HERC2: variants seen among roughly 807,000 people sequenced by gnomAD.
HERC2 encodes HECT and RLD domain containing E3 ubiquitin protein ligase 2, also known as E3 ubiquitin-protein ligase HERC2.
In HERC2, 102 loss-of-function variants were observed where a neutral mutation model predicts 537.7. The ratio of observed to expected loss-of-function variants is 0.19; its 90% CI spans 0.16 to 0.22. HERC2 has a LOEUF of 0.22. Among genes scored for constraint, HERC2 ranks in the 10% least tolerant of loss-of-function variants. HERC2 has a pLI of 1.00. For missense variants in HERC2, 4,236 were observed against 6,198.2 expected, an observed-to-expected ratio of 0.68 and a Z score of 10.63; for synonymous variants, 2,224 against 2,466.2, an observed-to-expected ratio of 0.90 and a Z score of 2.91.
chr15:28,279,290 C>T (rs2141043007), intron 5 of HERC2, among the ~76,000 whole-genome samples: 1 of 152,146 alleles, frequency 6.6e-6, no homozygotes, highest in East Asian at 1.9e-4. Flanking sequence ...ACACCCAGCC[C>T]AAAAGCAACT....
At chr15:28,131,633 G>A (rs951534754) in intron 81 of HERC2, among the ~76,000 whole-genome samples, 1 of 152,298 alleles carries the variant, frequency 6.6e-6, no homozygotes, top group East Asian at 1.9e-4. Flanking sequence ...GGACTCAGGC[G>A]CTGTGCAGGC....
rs1899852154 is a variant in HERC2 at position 28,215,936 on chromosome 15, A to C, written c.6029-134T>G. On this transcript the variant is annotated intron_variant, in intron 38 of 92. Transcript: ENST00000261609. The stretch of plus-strand genomic sequence containing the variant: ...CTTTACAAATATATTGCAGTTTGTA[A>C]ATTAATTCAAACTAATTCAAAGTGA... The C allele has an allele frequency of 1.4e-5, 9 of 642,726 alleles. No homozygotes were observed. The South Asian group carries it at 2.0e-4, about 14-fold the overall frequency. The allele number at this position is 642,726 out of a possible 1,614,324, so 39.8% of individuals were successfully genotyped here. A position where few individuals can be genotyped will look rare whatever the true frequency, so the allele number is the denominator to read the frequency against.
At chr15:28,261,278 T>A (rs1049020382) in intron 15 of HERC2, among the ~76,000 whole-genome samples, 3 of 152,270 alleles carry the variant, frequency 2.0e-5, no homozygotes, top group African/African-American at 7.2e-5. Flanking sequence ...TGCTTTTAAT[T>A]AACTATTAGA....
At chr15:28,130,655 C>A in intron 81 of HERC2, 61 bp from the exon 82 acceptor site, 2 of 1,127,548 alleles carry the variant, frequency 1.8e-6, no homozygotes, top group Middle Eastern at 2.0e-4. Context: ...ACTGCTATAA[C>A]CACACTGAGA....
chr15:28,219,903 T>C (rs1232744125), intron 37 of HERC2, among the ~76,000 whole-genome samples: 5 of 152,202 alleles, frequency 3.3e-5, no homozygotes, highest in African/African-American at 4.8e-5. Context: ...AGATAGGATC[T>C]AGCTTTCTTG....
In HERC2 at chr15:28,190,969, G is replaced by A. The variant is rs1896803890; in HGVS notation, c.8645C>T (p.Thr2882Ile). The change falls in exon 55 of 93, where the codon ACA becomes ATA. Residue 2882 changes from threonine (T) to isoleucine (I), a missense_variant. Transcript: ENST00000261609. ...DTTVPLLNDC[T>I]EYHRYIEIAI... ...AACACTAGCATAGCTACTTACCTCTGTGCAGTCATTCAGAAGGGGCACTGT... is the reference window on the plus strand; with the variant it reads ...AACACTAGCATAGCTACTTACCTCTATGCAGTCATTCAGAAGGGGCACTGT... 6.3e-7 allele frequency: 1 copy of A among 1,593,776 alleles called. No individual in the cohort carries two copies. The highest frequency in any genetic ancestry group is 1.3e-5 in the African/African-American group (1 of 74,496).
intron 44 of HERC2, among the ~76,000 whole-genome samples, chr15:28,209,510 AT>A (rs1898886458): frequency 1.3e-5 from 2 of 151,666 alleles, no homozygotes; most frequent in African/African-American, 2.4e-5. Context: ...CGCCCAGCTA[AT>A]TTTTTGTATT....
chr15:28,193,977 A>G (rs773673648), intron 52 of HERC2, among the ~76,000 whole-genome samples: 43 of 152,156 alleles, frequency 2.8e-4, no homozygotes, highest in Non-Finnish European at 4.9e-4. Context: ...AAAAAAGTGG[A>G]GAGAAATTAC....
Position 28,230,233 on chromosome 15 carries a change from T to C in HERC2, c.4809+134A>G, listed in dbSNP as rs961704069. On this transcript the variant is annotated intron_variant, in intron 31 of 92. Coordinates refer to ENST00000261609, the MANE Select transcript of HERC2 (RefSeq NM_004667.6). ...ACCAGGACATCATAAGCCAAGTTCA[T>C]GAAGCATCACTGGGGCCATGTTTCT... The C allele has an allele frequency of 2.8e-5, 24 of 869,870 alleles. No homozygotes were observed. In the African/African-American group the frequency reaches 4.1e-4, roughly 15 times the overall value. The allele number at this position is 869,870 out of a possible 1,614,324, so 53.9% of individuals were successfully genotyped here.
chr15:28,313,578 TTC>T (rs2077003409), intron 2 of HERC2, among the ~76,000 whole-genome samples: 2 of 152,240 alleles, frequency 1.3e-5, no homozygotes, highest in Admixed American at 1.3e-4. Flanking sequence ...TAGAAAATGT[TTC>T]TTTTTCATGT....
In HERC2 at chr15:28,274,948, C is replaced by T. The variant is rs144496043; in HGVS notation, c.600G>A (p.Ala200=). 1.0e-4 allele frequency: 166 copies of T among 1,610,562 alleles called. No homozygotes were observed. Among genetic ancestry groups the T allele is most frequent in the Non-Finnish European group, 1.3e-4 (153 of 1,180,006 alleles). The part of the protein sequence containing the change: ...EGLARVGSRA[A]LSFAFAFLRR... ...GCAGGAAGGCAAAGGCAAAAGACAG[C>T]GCCGCTCGGGATCCCACTCTGGCGA... Residue 200 remains alanine, a synonymous_variant, in exon 6 of 93, where the codon GCG becomes GCA. Transcript: ENST00000261609.
At position 28,169,583 on chromosome 15, in the gene HERC2, C is replaced by T. The variant is rs1299215928; in HGVS notation, c.10130G>A (p.Arg3377His). ...CAAGAGAATCTTGGCAAGAGAAGGG[C>T]GATTTGGCTTAGAATTACTTGCACC... ...ISGASNSKPN[R>H]PSLAKILLSL... The change falls in exon 66 of 93, where the codon CGC becomes CAC. Residue 3377 changes from arginine (R) to histidine (H), a missense_variant. This residue lies in a region of HERC2 where 356 missense variants were observed against 450.9 expected (regional missense o/e 0.79). Transcript: ENST00000261609. 3.1e-6 allele frequency: 5 copies of T among 1,613,966 alleles called. No homozygotes were observed. Among genetic ancestry groups the T allele is most frequent in the Admixed American group, 1.7e-5 (1 of 59,990 alleles).
At chr15:28,148,778 C>A (rs554831413) in intron 70 of HERC2, among the ~76,000 whole-genome samples, 1 of 151,602 alleles carries the variant, frequency 6.6e-6, no homozygotes, top group African/African-American at 2.4e-5. Context: ...GGCTTCTAAC[C>A]GAGAGCATCA....
chr15:28,175,237 A>G (rs1895150874), intron 64 of HERC2, among the ~76,000 whole-genome samples: 1 of 152,088 alleles, frequency 6.6e-6, no homozygotes, highest in South Asian at 2.1e-4. Context: ...CACTAGGAGC[A>G]TCTTCAAGAA....
At chr15:28,183,763 T>C (rs1203235659) in intron 56 of HERC2, among the ~76,000 whole-genome samples, 1 of 152,214 alleles carries the variant, frequency 6.6e-6, no homozygotes, top group East Asian at 1.9e-4. Flanking sequence ...TACTAATAAA[T>C]ATTTACTTTA....
intron 2 of HERC2, among the ~76,000 whole-genome samples, chr15:28,315,432 T>C (rs1354475535): frequency 6.6e-6 from 1 of 152,340 alleles, no homozygotes; most frequent in East Asian, 1.9e-4. Context: ...GGCTAAGGAA[T>C]CTATGGGGTC....
At chr15:28,294,021 C>T (rs201216024) in intron 3 of HERC2, among the ~76,000 whole-genome samples, 13 of 152,176 alleles carry the variant, frequency 8.5e-5, no homozygotes, top group Non-Finnish European at 1.3e-4. Context: ...GTGAAAGACA[C>T]GATATCCCAT....
chr15:28,260,879 C>A lies in HERC2; in HGVS notation c.2214G>T (p.Gln738His). Residue 738 changes from glutamine to histidine, a missense_variant, in exon 16 of 93, where the codon CAG becomes CAT. Physicochemically the swap from Gln to His is conservative, Grantham distance 24 (BLOSUM62 0). This residue lies in a region of HERC2 where 754 missense variants were observed against 1,085.0 expected (regional missense o/e 0.69). Coordinates refer to ENST00000261609, the MANE Select transcript of HERC2 (RefSeq NM_004667.6). ...SEVHSWGSND[Q>H]CQHFDTLRVT... ...CGCGCAAGGTGTCAAAGTGCTGGCA[C>A]TGGTCGTTGCTCCCCCAGCTGTGGA... The A allele has an allele frequency of 6.2e-7, 1 of 1,614,224 alleles. No individual in the cohort carries two copies. Among genetic ancestry groups the A allele is most frequent in the Non-Finnish European group, 8.5e-7 (1 of 1,180,050 alleles).
chr15:28,279,549 G>A (rs1177468482), intron 5 of HERC2, among the ~76,000 whole-genome samples: 1 of 151,676 alleles, frequency 6.6e-6, no homozygotes, highest in East Asian at 1.9e-4. Flanking sequence ...TCTCATGCCT[G>A]TAATCCCAGT....
Sources: allele counts gnomAD v4.1 joint callset (sites outside exome capture counted in the v4.1 genomes callset), GRCh38; gene constraint gnomAD v4.1.1; regional missense constraint gnomAD v4.1.1; transcripts MANE v1.5; gene names NCBI Gene and HGNC (gene_info 2026-07-23, HGNC 2026-07-21).